FBXL5: variants seen among roughly 807,000 people sequenced by gnomAD.
FBXL5 encodes F-box and leucine rich repeat protein 5.
Under a neutral mutation model 78.3 loss-of-function variants are expected in FBXL5, and 26 were observed. The ratio of observed to expected loss-of-function variants is 0.33; its 90% CI spans 0.24 to 0.46. The LOEUF (loss-of-function observed/expected upper bound fraction) is 0.46, where lower values mean the gene tolerates loss of function less well. Ranked by LOEUF, FBXL5 falls within the 20% of genes least tolerant of loss-of-function variation. FBXL5 has a pLI of 1.00. For missense variants in FBXL5, 710 were observed against 829.2 expected (o/e 0.86, Z 1.77); for synonymous variants, 295 against 282.5 (o/e 1.04, Z -0.45).
At chr4:15,630,881 T>A in intron 5 of FBXL5, 90 bp from the exon 6 acceptor site, 1 of 1,512,490 alleles carries the variant, frequency 6.6e-7, no homozygotes, top group Non-Finnish European at 8.9e-7. Flanking sequence ...TAAAAATCTC[T>A]ACAAAGAGAA....
At chr4:15,680,443 G>A (rs1718183343) in intron 1 of FBXL5, among the ~76,000 whole-genome samples, 1 of 152,184 alleles carries the variant, frequency 6.6e-6, no homozygotes, top group African/African-American at 2.4e-5. Context: ...GGCCCAAGTG[G>A]GTGGATCACC....
chr4:15,614,190 T>A (rs561229099), intron 9 of FBXL5, among the ~76,000 whole-genome samples: 11 of 152,326 alleles, frequency 7.2e-5, no homozygotes, highest in African/African-American at 2.6e-4. Flanking sequence ...AGAGCCAAAC[T>A]GCTGTAATTG....
At chr4:15,666,111 T>C (rs1012517848) in intron 1 of FBXL5, among the ~76,000 whole-genome samples, 14 of 152,034 alleles carry the variant, frequency 9.2e-5, no homozygotes, top group African/African-American at 3.1e-4. Context: ...AAAATATGAA[T>C]TTTGGGACTG....
At chr4:15,674,698 G>A (rs1168224926) in intron 1 of FBXL5, among the ~76,000 whole-genome samples, 1 of 150,334 alleles carries the variant, frequency 6.7e-6, no homozygotes, top group African/African-American at 2.4e-5. Context: ...CGCCCAGGCT[G>A]GAGTGCAGTG....
At chr4:15,626,765 G>T in intron 8 of FBXL5, 108 bp downstream of exon 8, 1 of 785,900 alleles carries the variant, frequency 1.3e-6, no homozygotes, top group South Asian at 1.9e-5. Context: ...ACTCAGACAT[G>T]ACTGAGATTT....
intron 2 of FBXL5, among the ~76,000 whole-genome samples, chr4:15,642,505 G>A (rs1388411440): frequency 1.3e-5 from 2 of 152,078 alleles, no homozygotes; most frequent in African/African-American, 4.8e-5. Context: ...CAAAATGCTA[G>A]AATTACACGG....
At chr4:15,662,584 T>C (rs1250740868), upstream of FBXL5, among the ~76,000 whole-genome samples, 1 of 152,178 alleles carries the variant, frequency 6.6e-6, no homozygotes, top group East Asian at 1.9e-4. Context: ...TAGAAATCAC[T>C]GGTAATAAAA....
chr4:15,648,375 T>A (rs1715588923), intron 1 of FBXL5, among the ~76,000 whole-genome samples: 1 of 152,188 alleles, frequency 6.6e-6, no homozygotes. Flanking sequence ...GCAATCCCAT[T>A]CCTGAGTATA....
At chr4:15,621,629 G>A (rs935838286) in intron 9 of FBXL5, among the ~76,000 whole-genome samples, 3 of 152,122 alleles carry the variant, frequency 2.0e-5, no homozygotes, top group East Asian at 3.9e-4. Flanking sequence ...GATACAAAAG[G>A]ACAAGTATTG....
At chr4:15,608,247 G>A (rs1044081878) in intron 10 of FBXL5, among the ~76,000 whole-genome samples, 1 of 151,968 alleles carries the variant, frequency 6.6e-6, no homozygotes, top group Non-Finnish European at 1.5e-5. Flanking sequence ...GGTTTTCAAA[G>A]GATAAAGTAA....
intron 1 of FBXL5, among the ~76,000 whole-genome samples, chr4:15,671,265 G>A (rs777936189): frequency 6.6e-6 from 1 of 151,856 alleles, no homozygotes; most frequent in Non-Finnish European, 1.5e-5. Flanking sequence ...TCTCTGTTTG[G>A]TACTTGAAAT....
chr4:15,647,160 T>A (rs1172361168), intron 1 of FBXL5, among the ~76,000 whole-genome samples: 2 of 139,270 alleles, frequency 1.4e-5, no homozygotes, highest in Non-Finnish European at 3.0e-5. Flanking sequence ...GAGGCAGAGG[T>A]TGCAGTGAGC....
chr4:15,644,277 A>G (rs780383083), intron 2 of FBXL5, among the ~76,000 whole-genome samples: 66 of 152,068 alleles, frequency 4.3e-4, no homozygotes, highest in Admixed American at 9.2e-4. Flanking sequence ...ACTTGTCCTT[A>G]CTGTATTCAC....
chr4:15,644,886 A>C (rs1715210654), intron 1 of FBXL5, among the ~76,000 whole-genome samples, 178 bp from the exon 2 acceptor site: 2 of 152,242 alleles, frequency 1.3e-5, no homozygotes, highest in African/African-American at 2.4e-5. Flanking sequence ...TAAAAAGTGC[A>C]CTAGGCCAGG....
intron 1 of FBXL5, among the ~76,000 whole-genome samples, chr4:15,671,260 GT>G (rs1717755188): frequency 6.6e-6 from 1 of 151,864 alleles, no homozygotes; most frequent in Admixed American, 6.6e-5. Flanking sequence ...GTTTTTCTCT[GT>G]TTGGTACTTG....
intron 8 of FBXL5, among the ~76,000 whole-genome samples, chr4:15,626,526 T>C (rs1713080045): frequency 6.6e-6 from 1 of 152,154 alleles, no homozygotes; most frequent in Non-Finnish European, 1.5e-5. Context: ...TATTTCAGAG[T>C]AACTGTGAAG....
At chr4:15,664,730 G>T (rs1717465932), upstream of FBXL5, among the ~76,000 whole-genome samples, 1 of 151,612 alleles carries the variant, frequency 6.6e-6, no homozygotes, top group African/African-American at 2.4e-5. Context: ...GCTAACTTTT[G>T]TATTTTTTAG....
In FBXL5 at chr4:15,644,526, A is replaced by G. The variant is rs1715184361; in HGVS notation, c.267T>C (p.Leu89=). The change falls in exon 2 of 11, where the codon CTT becomes CTC. Residue 89 remains leucine, a synonymous_variant. Transcript: ENST00000341285. ...VHSDNKLSEM[L]SLFEKGLKNV... ...TCTTCAGTCCCTTTTCAAAGAGGCT[A>G]AGCATCTCGGAGAGTTTATTGTCAG... 1 of 1,613,856 alleles carries G rather than the reference A, an allele frequency of 6.2e-7. No individual in the cohort carries two copies. Among genetic ancestry groups the G allele is most frequent in the East Asian group, 2.2e-5 (1 of 44,862 alleles).
chr4:15,651,683 T>C (rs1040089743), intron 1 of FBXL5, among the ~76,000 whole-genome samples: 2 of 152,244 alleles, frequency 1.3e-5, no homozygotes, highest in Non-Finnish European at 2.9e-5. Flanking sequence ...TTAAGAGTTT[T>C]GGGTCATAAA....
Sources: allele counts gnomAD v4.1 joint callset (sites outside exome capture counted in the v4.1 genomes callset), GRCh38; gene constraint gnomAD v4.1.1; transcripts MANE v1.5; gene names NCBI Gene and HGNC (gene_info 2026-07-23, HGNC 2026-07-21).